ELP3: variants seen among roughly 807,000 people sequenced by gnomAD.
The protein encoded by ELP3 is elongator complex protein 3.
In ELP3, 56 loss-of-function variants were observed where a neutral mutation model predicts 74.9. The ratio of observed to expected loss-of-function variants is 0.75; its 90% CI spans 0.60 to 0.93. The LOEUF is 0.93. Ranked by LOEUF, ELP3 falls within the 40% of genes least tolerant of loss-of-function variation. The probability of loss-of-function intolerance (pLI) is 0.00; values close to 1 mark genes in which losing one functional copy is unlikely to be tolerated. For synonymous variants in ELP3, 222 were observed against 239.8 expected (o/e 0.93, Z 0.68); for missense variants, 573 against 686.5 (o/e 0.83, Z 1.85).
intron 9 of ELP3, among the ~76,000 whole-genome samples, chr8:28,136,113 C>A (rs1387458691): frequency 6.6e-6 from 1 of 152,032 alleles, no homozygotes. Context: ...AGACGCGCAC[C>A]ACCACGTCCA....
chr8:28,156,095 A>C, intron 11 of ELP3, 63 bp downstream of exon 11: 2 of 1,404,182 alleles, frequency 1.4e-6, no homozygotes, highest in Non-Finnish European at 2.0e-6. Context: ...GAAACACGAA[A>C]GACTTTGCCA....
chr8:28,168,870 G>A (rs1814411030), intron 14 of ELP3, among the ~76,000 whole-genome samples: 1 of 152,196 alleles, frequency 6.6e-6, no homozygotes, highest in Non-Finnish European at 1.5e-5. Flanking sequence ...TATTCTTTGG[G>A]TGAACAGGTA....
At chr8:28,119,570 TTTTATATATATATATA>T (rs1415171863) in intron 7 of ELP3, among the ~76,000 whole-genome samples, 9 of 92,108 alleles carry the variant, frequency 9.8e-5, no homozygotes, top group African/African-American at 2.4e-4. Context: ...ACTTGTGGCG[TTTTATATATATATATA>T]TATATATATA....
intron 10 of ELP3, among the ~76,000 whole-genome samples, chr8:28,150,616 C>G (rs780615283): frequency 4.6e-5 from 7 of 151,776 alleles, no homozygotes; most frequent in African/African-American, 7.3e-5. Context: ...AAGGTGTTTC[C>G]CCCCCTCCCC....
intron 7 of ELP3, among the ~76,000 whole-genome samples, chr8:28,128,859 A>G (rs914363048): frequency 1.3e-5 from 2 of 152,210 alleles, no homozygotes; most frequent in African/African-American, 4.8e-5. Context: ...AAGGCCACTA[A>G]CTGAGACAGC....
chr8:28,105,350 A>T (rs879622840), intron 3 of ELP3, among the ~76,000 whole-genome samples: 27 of 152,188 alleles, frequency 1.8e-4, no homozygotes, highest in Non-Finnish European at 3.5e-4. Context: ...AGATCACGCC[A>T]TTGCACTCCA....
At chr8:28,111,590 G>C (rs1811917618) in intron 6 of ELP3, among the ~76,000 whole-genome samples, 1 of 152,208 alleles carries the variant, frequency 6.6e-6, no homozygotes, top group Non-Finnish European at 1.5e-5. Context: ...GACAGGAGAG[G>C]ACTCCATCTG....
At chr8:28,162,189 T>TTGAGC in intron 14 of ELP3, 111 bp downstream of exon 14, 1 of 1,113,504 alleles carries the variant, frequency 9.0e-7, no homozygotes, top group Non-Finnish European at 1.3e-6. Context: ...ACGTTCAAAA[T>TTGAGC]TGAGCTGAGC....
At chr8:28,110,156 C>T (rs1811856455) in intron 5 of ELP3, among the ~76,000 whole-genome samples, 1 of 152,282 alleles carries the variant, frequency 6.6e-6, no homozygotes, top group Admixed American at 6.5e-5. Flanking sequence ...AGACACCCTG[C>T]TGTTGAGGTG....
At chr8:28,123,899 C>T (rs556570501) in intron 7 of ELP3, among the ~76,000 whole-genome samples, 7 of 151,368 alleles carry the variant, frequency 4.6e-5, no homozygotes, top group East Asian at 1.9e-4. Flanking sequence ...GTTTCTTTAT[C>T]TTGAAAATGC....
In ELP3 at chr8:28,143,248, A is replaced by G. The variant is rs575204199; in HGVS notation, c.1100+5357A>G. On this transcript the variant is annotated intron_variant, in intron 10 of 14. Coordinates refer to ENST00000256398, the MANE Select transcript of ELP3 (RefSeq NM_018091.6). ...GTTTCTGCTGTGTAGCACCACTCCC[A>G]TGATCTCATACACTTCTTTTTTGAT... Among the ~76,000 whole-genome samples the G allele has an allele frequency of 3.3e-5, 5 of 152,024 alleles. No homozygotes were observed. The South Asian group carries it at 6.2e-4, about 19-fold the overall frequency.
chr8:28,150,949 G>A (rs571401412), intron 10 of ELP3, among the ~76,000 whole-genome samples: 20 of 152,050 alleles, frequency 1.3e-4, no homozygotes, highest in African/African-American at 2.4e-4. Context: ...ATGTGCCTCC[G>A]TTTTTTGTGG....
chr8:28,184,556 A>T (rs1476473287), intron 14 of ELP3, among the ~76,000 whole-genome samples: 1 of 152,202 alleles, frequency 6.6e-6, no homozygotes, highest in Non-Finnish European at 1.5e-5. Flanking sequence ...AGCATGCTTA[A>T]GAAATCAGGG....
chr8:28,107,300 A>G (rs1811737291), intron 4 of ELP3, among the ~76,000 whole-genome samples: 1 of 152,186 alleles, frequency 6.6e-6, no homozygotes, highest in South Asian at 2.1e-4. Flanking sequence ...ATTGCAATAT[A>G]CAATTCTAAA....
Position 28,106,796 on chromosome 8 carries a change from A to G in ELP3, c.329+13A>G. On this transcript the variant is annotated intron_variant, in intron 4 of 14. Coordinates refer to ENST00000256398, the MANE Select transcript of ELP3 (RefSeq NM_018091.6). ...GAAATATATGTGTGTAAGTATGGTGATTTTATTAAATTGTATGTATGTTTT... is the reference window on the plus strand; with the variant it reads ...GAAATATATGTGTGTAAGTATGGTGGTTTTATTAAATTGTATGTATGTTTT... 3.7e-6 allele frequency: 6 copies of G among 1,601,698 alleles called. No individual in the cohort carries two copies. Among genetic ancestry groups the G allele is most frequent in the South Asian group, 3.3e-5 (3 of 90,742 alleles).
chr8:28,102,621 G>C (rs936685412), intron 3 of ELP3, among the ~76,000 whole-genome samples: 1 of 151,938 alleles, frequency 6.6e-6, no homozygotes. Context: ...AGTAGTTTTA[G>C]GTTTATAGAG....
At position 28,155,996 on chromosome 8, in the gene ELP3, G is replaced by A; in HGVS notation, c.1155G>A (p.Glu385=). The A allele has an allele frequency of 6.2e-7, 1 of 1,613,968 alleles. No individual in the cohort carries two copies. The highest frequency in any genetic ancestry group is 8.5e-7 in the Non-Finnish European group (1 of 1,179,890). Residue 385 remains glutamate (E), a synonymous_variant, in exon 11 of 15, where the codon GAG becomes GAA. Coordinates refer to ENST00000256398, the MANE Select transcript of ELP3 (RefSeq NM_018091.6). ...SSGVEHGNLR[E]LALARMKDLG... is the part of the protein sequence containing the mutation. ...GAGTAGAGCATGGTAACCTGAGAGAGCTGGCACTTGCAAGAATGAAAGACC... is the reference window on the plus strand; with the variant it reads ...GAGTAGAGCATGGTAACCTGAGAGAACTGGCACTTGCAAGAATGAAAGACC...
At chr8:28,171,940 A>G (rs536612984) in intron 14 of ELP3, among the ~76,000 whole-genome samples, 4 of 152,218 alleles carry the variant, frequency 2.6e-5, no homozygotes, top group East Asian at 1.9e-4. Context: ...AATGCTCTTG[A>G]CACCCTTGTC....
At chr8:28,124,070 A>G (rs1812481634) in intron 7 of ELP3, among the ~76,000 whole-genome samples, 1 of 152,166 alleles carries the variant, frequency 6.6e-6, no homozygotes, top group Non-Finnish European at 1.5e-5. Flanking sequence ...CAGTTTAATC[A>G]TCTCCTCACT....
Sources: allele counts gnomAD v4.1 joint callset (sites outside exome capture counted in the v4.1 genomes callset), GRCh38; gene constraint gnomAD v4.1.1; transcripts MANE v1.5; gene names NCBI Gene and HGNC (gene_info 2026-07-23, HGNC 2026-07-21).